Variants in DDX10 observed in about 807,000 individuals in gnomAD.
DDX10 encodes the protein DEAD-box helicase 10, also known as probable ATP-dependent RNA helicase DDX10.
DDX10 carries 74 observed loss-of-function variants against 104.3 expected under a neutral mutation model. The ratio of observed to expected loss-of-function variants is 0.71; its 90% confidence interval spans 0.59 to 0.86. DDX10 has a LOEUF of 0.86. Ranked by LOEUF, DDX10 falls within the 40% of genes least tolerant of loss-of-function variation. The pLI, the probability that DDX10 is intolerant of heterozygous loss-of-function variation, is 0.00. For synonymous variants in DDX10, 351 were observed against 353.4 expected (o/e 0.99, Z 0.08); for missense variants, 952 against 1,040.0 (o/e 0.92, Z 1.16).
intron 13 of DDX10, among the ~76,000 whole-genome samples, chr11:108,811,553 CA>C (rs1391624502): frequency 6.6e-6 from 1 of 152,116 alleles, no homozygotes; most frequent in African/African-American, 2.4e-5. Flanking sequence ...GCATATAGCA[CA>C]TAATTAAATA....
chr11:108,750,430 G>A (rs186824660), intron 13 of DDX10, among the ~76,000 whole-genome samples: 2 of 152,178 alleles, frequency 1.3e-5, no homozygotes, highest in African/African-American at 4.8e-5. Flanking sequence ...CTAGTTATTA[G>A]GTTATTGAAC....
At chr11:108,853,090 A>AAAAGAC (rs1407389547) in intron 16 of DDX10, among the ~76,000 whole-genome samples, 2 of 152,192 alleles carry the variant, frequency 1.3e-5, no homozygotes, top group African/African-American at 4.8e-5. Context: ...ATATAAGCAG[A>AAAAGAC]AAAGACTGCT....
rs192620362 is a variant in DDX10, at chr11:108,798,251, C to T, written c.1966-40195C>T. On this transcript the variant is annotated intron_variant, in intron 13 of 17. Coordinates refer to ENST00000322536, the MANE Select transcript of DDX10 (RefSeq NM_004398.4). ...GCTCATCCTCAGTTATTCACCATTT[C>T]GGTCTCAATGAATTTTTCTGATCTT... Among the ~76,000 whole-genome samples, 442 of 152,200 alleles carry T rather than the reference C, an allele frequency of 2.9e-3. 2 individuals are homozygous for T. Among genetic ancestry groups the T allele is most frequent in the African/African-American group, 7.9e-3 (329 of 41,540 alleles).
intron 13 of DDX10, among the ~76,000 whole-genome samples, chr11:108,764,558 A>G (rs1387688630): frequency 6.6e-6 from 1 of 152,158 alleles, no homozygotes; most frequent in African/African-American, 2.4e-5. Flanking sequence ...GATCCCAGCT[A>G]TTAGGGAGGT....
At position 108,678,352 on chromosome 11, in the gene DDX10, A is replaced by C; in HGVS notation, c.575A>C (p.Asn192Thr). 1.2e-6 allele frequency: 2 copies of C among 1,613,180 alleles called. No individual in the cohort carries two copies. The highest frequency in any genetic ancestry group is 1.7e-6 in the Non-Finnish European group (2 of 1,179,718). Residue 192 changes from asparagine to threonine, a missense_variant, in exon 5 of 18, where the codon AAT becomes ACT. This residue lies in a region of DDX10 where 412 missense variants were observed against 479.2 expected (regional missense o/e 0.86). Transcript: ENST00000322536. ...GAAGCTGAGAGGATCAACAACATAAATATACTCGTGTGCACACCAGGTCGG... is the reference window on the plus strand; with the variant it reads ...GAAGCTGAGAGGATCAACAACATAACTATACTCGTGTGCACACCAGGTCGG... ...KHEAERINNI[N>T]ILVCTPGRLL...
In DDX10 at chr11:108,706,815, A is replaced by G; in HGVS notation, c.1300A>G (p.Lys434Glu). 6.2e-7 allele frequency: 1 copy of G among 1,613,996 alleles called. No individual in the cohort carries two copies. The highest frequency in any genetic ancestry group is 8.5e-7 in the Non-Finnish European group (1 of 1,179,874). The change falls in exon 10 of 18, where the codon AAA (lysine) becomes GAA (glutamate). Residue 434 changes from lysine (K) to glutamate (E), a missense_variant. By Grantham distance (56) the Lys-to-Glu change is moderately conservative. This residue lies in a region of DDX10 where 533 missense variants were observed against 534.1 expected (regional missense o/e 1.00). Transcript: ENST00000322536. ...KAMVQQLLQK[K>E]VPVKEIKINP... ...TATGGTGCAGCAGCTTCTTCAGAAG[A>G]AAGTACCTGTGAAGGAAATCAAGTA...
chr11:108,811,103 A>G (rs533616875), intron 13 of DDX10, among the ~76,000 whole-genome samples: 13 of 152,250 alleles, frequency 8.5e-5, no homozygotes, highest in African/African-American at 3.1e-4. Flanking sequence ...ATAGCTGGCC[A>G]CTTGATACAC....
intron 13 of DDX10, among the ~76,000 whole-genome samples, chr11:108,748,834 T>C (rs986984642): frequency 3.9e-5 from 6 of 152,110 alleles, no homozygotes; most frequent in African/African-American, 1.4e-4. Context: ...GTACACACTA[T>C]CATGCCTGCC....
At chr11:108,692,849 C>T (rs935932707) in intron 8 of DDX10, among the ~76,000 whole-genome samples, 2 of 152,140 alleles carry the variant, frequency 1.3e-5, no homozygotes, top group African/African-American at 4.8e-5. Context: ...TCAGCTTCCC[C>T]AGCAGCTGGG....
rs188880690 is a variant in DDX10, at chr11:108,872,776, A to G, written c.2304+20567A>G. Among the ~76,000 whole-genome samples the G allele has an allele frequency of 4.6e-5, 7 of 152,260 alleles. No individual in the cohort carries two copies. In the East Asian group the frequency reaches 1.2e-3, roughly 25 times the overall value. ...TCTCTATAGCAGTGTTTTTTGGTGC[A>G]GATACAAATATGTTTTCTTAAAAAT... On this transcript the variant is annotated intron_variant, in intron 16 of 17. Transcript: ENST00000322536.
chr11:108,859,922 G>GTAT (rs1862918684), intron 16 of DDX10, among the ~76,000 whole-genome samples: 1 of 152,114 alleles, frequency 6.6e-6, no homozygotes, highest in African/African-American at 2.4e-5. Context: ...TTGACTGTTA[G>GTAT]TAGTCATTAC....
At chr11:108,754,319 T>C (rs1330444321) in intron 13 of DDX10, among the ~76,000 whole-genome samples, 1 of 152,070 alleles carries the variant, frequency 6.6e-6, no homozygotes, top group Non-Finnish European at 1.5e-5. Context: ...AGTGTCCTCA[T>C]AGTATTTATT....
intron 16 of DDX10, among the ~76,000 whole-genome samples, chr11:108,912,000 T>C (rs1033282682): frequency 6.6e-6 from 1 of 152,194 alleles, no homozygotes; most frequent in African/African-American, 2.4e-5. Flanking sequence ...ACGACTAAGC[T>C]TCTGTGTATA....
chr11:108,878,363 A>T (rs1031065301), intron 16 of DDX10, among the ~76,000 whole-genome samples: 1 of 152,232 alleles, frequency 6.6e-6, no homozygotes, highest in African/African-American at 2.4e-5. Flanking sequence ...TTATTTGTGG[A>T]TATAGATGTG....
At chr11:108,747,454 C>T (rs1350573129) in intron 13 of DDX10, among the ~76,000 whole-genome samples, 1 of 152,062 alleles carries the variant, frequency 6.6e-6, no homozygotes, top group Non-Finnish European at 1.5e-5. Context: ...ATGATCATTG[C>T]TTATTTTCCA....
At chr11:108,903,021 A>G (rs531219775) in intron 16 of DDX10, among the ~76,000 whole-genome samples, 8 of 152,322 alleles carry the variant, frequency 5.3e-5, no homozygotes, top group African/African-American at 1.4e-4. Context: ...ACAACCCAGC[A>G]ACTACAATCC....
chr11:108,890,186 A>G (rs1178068594), intron 16 of DDX10, among the ~76,000 whole-genome samples: 1 of 152,182 alleles, frequency 6.6e-6, no homozygotes. Context: ...GTTCATAGAA[A>G]TGTCTTAGAT....
chr11:108,740,283 C>T (rs1035759896), intron 13 of DDX10, among the ~76,000 whole-genome samples: 2 of 152,132 alleles, frequency 1.3e-5, no homozygotes, highest in African/African-American at 4.8e-5. Context: ...TGGCCTTTAG[C>T]TCCATCCATG....
intron 13 of DDX10, among the ~76,000 whole-genome samples, chr11:108,748,023 T>C (rs2094333950): frequency 6.6e-6 from 1 of 151,762 alleles, no homozygotes; most frequent in African/African-American, 2.4e-5. Flanking sequence ...GTGCAAAAAA[T>C]AATTATAAAC....
Sources: gnomAD v4.1 joint callset for allele counts (sites outside exome capture counted in the v4.1 genomes callset) on GRCh38, gnomAD v4.1.1 for gene constraint, gnomAD v4.1.1 regional missense constraint, MANE v1.5 for transcripts, NCBI Gene and HGNC (gene_info 2026-07-23, HGNC 2026-07-21) for gene names.